The following GLRA2 variants were observed in gnomAD, a reference collection of about 807,000 sequenced individuals.
GLRA2 encodes the protein glycine receptor alpha 2.
GLRA2 carries 11 observed loss-of-function variants against 31.6 expected under a neutral mutation model. The ratio of observed to expected loss-of-function variants is 0.35; its 90% CI spans 0.22 to 0.58. GLRA2 has a LOEUF of 0.58. Ranked by LOEUF, GLRA2 falls within the 20% of genes least tolerant of loss-of-function variation. The probability of loss-of-function intolerance (pLI) is 0.84; values close to 1 mark genes in which losing one functional copy is unlikely to be tolerated. For missense variants in GLRA2, 212 were observed against 351.8 expected (o/e 0.60, Z 3.18); for synonymous variants, 132 against 134.0 (o/e 0.99, Z 0.10).
chrX:14,530,120 C>T lies in GLRA2; in HGVS notation c.63C>T (p.His21=). 1 of 1,159,898 alleles carries T rather than the reference C, an allele frequency of 8.6e-7. No individual in the cohort carries two copies. ...TTGCATTTTTCTTAGAGACAAACCA[C>T]TTCAGGTAGGTGAAACGACTTTGCA... ...ALFAFFLETN[H]FRTAFCKDHD... The change falls in exon 1 of 9, where the codon CAC becomes CAT. Residue 21 remains histidine, a synonymous_variant. Coordinates refer to ENST00000218075, the MANE Select transcript of GLRA2 (RefSeq NM_002063.4).
At chrX:14,674,665 G>A (rs1408468477) in intron 7 of GLRA2, among the ~76,000 whole-genome samples, 2 of 110,903 alleles carry the variant, frequency 1.8e-5, no homozygotes, top group Admixed American at 1.9e-4. Flanking sequence ...AATCCAAGTT[G>A]GTCTAGCTTC....
chrX:14,536,713 C>T (rs2089328931), intron 2 of GLRA2, among the ~76,000 whole-genome samples: 1 of 110,832 alleles, frequency 9.0e-6, no homozygotes, highest in African/African-American at 3.3e-5. Context: ...TCTAGGTCTC[C>T]CTTAATTAAT....
At chrX:14,549,250 G>A (rs981259443) in intron 2 of GLRA2, among the ~76,000 whole-genome samples, 9 of 111,770 alleles carry the variant, frequency 8.1e-5, no homozygotes, top group Non-Finnish European at 1.5e-4. Context: ...TAAAAGATGA[G>A]TATCTCTAGA....
intron 8 of GLRA2, among the ~76,000 whole-genome samples, chrX:14,694,107 A>C (rs911080868): frequency 2.7e-5 from 3 of 112,051 alleles, no homozygotes; most frequent in Non-Finnish European, 3.8e-5. Context: ...AATAAAATAA[A>C]AGAATGGTCC....
chrX:14,519,671 G>T, the GLRA2 span, among the ~76,000 whole-genome samples: 1 of 112,088 alleles, frequency 8.9e-6, no homozygotes, highest in South Asian at 3.7e-4. Flanking sequence ...TGAAGAATAC[G>T]TGGATGAATG....
chrX:14,593,815 G>C (rs1446913608), intron 4 of GLRA2, among the ~76,000 whole-genome samples: 2 of 112,785 alleles, frequency 1.8e-5, no homozygotes, highest in African/African-American at 3.2e-5. Flanking sequence ...TACCATTCAG[G>C]CTCCACTCAC....
At chrX:14,471,426 T>C in the GLRA2 span, among the ~76,000 whole-genome samples, 1 of 111,618 alleles carries the variant, frequency 9.0e-6, no homozygotes, top group Admixed American at 9.5e-5. Context: ...TATAGTCCTC[T>C]TTTTTTCTCT....
At chrX:14,553,035 T>C (rs1297640390) in intron 2 of GLRA2, among the ~76,000 whole-genome samples, 1 of 111,981 alleles carries the variant, frequency 8.9e-6, no homozygotes, top group Non-Finnish European at 1.9e-5. Flanking sequence ...AAGTGTGAAC[T>C]CAACTATGAT....
At chrX:14,467,848 G>A in the GLRA2 span, among the ~76,000 whole-genome samples, 374 of 102,454 alleles carry the variant, frequency 3.7e-3, 2 homozygotes, top group Middle Eastern at 4.9e-3. Context: ...TGTAAGGACC[G>A]AAAAAAAAAA....
At chrX:14,526,561 G>GA (rs774343737), upstream of GLRA2, among the ~76,000 whole-genome samples, 1 of 111,458 alleles carries the variant, frequency 9.0e-6, no homozygotes, top group East Asian at 2.8e-4. Flanking sequence ...AGATTTAGGA[G>GA]AAAAAAATCA....
intron 2 of GLRA2, among the ~76,000 whole-genome samples, chrX:14,532,814 T>G (rs2089274515): frequency 8.9e-6 from 1 of 111,911 alleles, no homozygotes; most frequent in African/African-American, 3.2e-5. Flanking sequence ...TTACATACTT[T>G]CAGGCCTCTT....
intron 8 of GLRA2, among the ~76,000 whole-genome samples, chrX:14,712,560 T>A (rs1379906726): frequency 6.4e-5 from 7 of 109,627 alleles, no homozygotes; most frequent in African/African-American, 2.3e-4. Context: ...TAGTTAAAAG[T>A]CTGGAGTAAC....
chrX:14,719,498 A>G (rs1365260106), intron 8 of GLRA2, among the ~76,000 whole-genome samples: 1 of 112,193 alleles, frequency 8.9e-6, no homozygotes, highest in African/African-American at 3.2e-5. Flanking sequence ...CAAAATCACA[A>G]TGAGATATCA....
At chrX:14,713,368 T>A (rs1018350438) in intron 8 of GLRA2, among the ~76,000 whole-genome samples, 8 of 112,140 alleles carry the variant, frequency 7.1e-5, no homozygotes, top group African/African-American at 2.6e-4. Flanking sequence ...GTGTGTCTTT[T>A]GAGCACTCTA....
chrX:14,451,317 T>C, the GLRA2 span, among the ~76,000 whole-genome samples: 1 of 110,589 alleles, frequency 9.0e-6, no homozygotes, highest in Non-Finnish European at 1.9e-5. Flanking sequence ...ATGTAAATGG[T>C]ATAAATGACC....
intron 8 of GLRA2, among the ~76,000 whole-genome samples, chrX:14,715,007 A>G (rs750710853): frequency 1.1e-4 from 12 of 112,399 alleles, no homozygotes; most frequent in Non-Finnish European, 1.7e-4. Context: ...AAATATTTGA[A>G]TATATCTAAT....
intron 7 of GLRA2, among the ~76,000 whole-genome samples, chrX:14,683,773 A>C (rs2091244019): frequency 9.0e-6 from 1 of 110,884 alleles, no homozygotes; most frequent in Non-Finnish European, 1.9e-5. Context: ...ATGGCTAGCC[A>C]ATTTTCCCAG....
chrX:14,553,858 G>C (rs2089602481), intron 2 of GLRA2, among the ~76,000 whole-genome samples: 1 of 111,794 alleles, frequency 8.9e-6, no homozygotes, highest in African/African-American at 3.3e-5. Context: ...ATGGGACAAG[G>C]CTTCATTTGC....
chrX:14,502,589 C>A, the GLRA2 span, among the ~76,000 whole-genome samples: 2 of 111,297 alleles, frequency 1.8e-5, no homozygotes, highest in Admixed American at 1.9e-4. Flanking sequence ...AGTAGAAACA[C>A]AGGATTAGGT....
Sources: gnomAD v4.1 joint callset for allele counts (sites outside exome capture counted in the v4.1 genomes callset) on GRCh38, gnomAD v4.1.1 for gene constraint, MANE v1.5 for transcripts, NCBI Gene and HGNC (gene_info 2026-07-23, HGNC 2026-07-21) for gene names.